The following SIRPA variants were observed in gnomAD, a reference collection of about 807,000 sequenced individuals.
SIRPA encodes tyrosine-protein phosphatase non-receptor type substrate 1.
Under a neutral mutation model 50.3 loss-of-function variants are expected in SIRPA, and 9 were observed. The observed-to-expected ratio is 0.18, with a 90% CI of 0.11 to 0.31. The LOEUF (loss-of-function observed/expected upper bound fraction) is 0.31, where lower values mean the gene tolerates loss of function less well. Ranked by LOEUF, SIRPA falls within the 10% of genes least tolerant of loss-of-function variation. The pLI, the probability that SIRPA is intolerant of heterozygous loss-of-function variation, is 1.00. For synonymous variants in SIRPA, 265 were observed against 284.1 expected (o/e 0.93, Z 0.68); for missense variants, 474 against 661.6 (o/e 0.72, Z 3.11).
chr20:1,900,684 CGCCAAGCCTCCTGTGGTCCAG>C (rs1280808718), intron 1 of SIRPA, among the ~76,000 whole-genome samples: 1 of 152,240 alleles, frequency 6.6e-6, no homozygotes, highest in Non-Finnish European at 1.5e-5. Flanking sequence ...CCGGCTGGAA[CGCCAAGCCTCCTGTGGTCCAG>C]GCCAAGGCTT....
intron 1 of SIRPA, among the ~76,000 whole-genome samples, chr20:1,897,305 C>T (rs1983890795): frequency 6.6e-6 from 1 of 152,232 alleles, no homozygotes; most frequent in Non-Finnish European, 1.5e-5. Context: ...CCAAGATTAG[C>T]TTTGAAATAA....
chr20:1,912,094 G>A (rs997752382), intron 1 of SIRPA, among the ~76,000 whole-genome samples: 2 of 152,164 alleles, frequency 1.3e-5, no homozygotes, highest in African/African-American at 4.8e-5. Context: ...TCTGGCTGCA[G>A]TCGGTGGAGA....
At chr20:1,916,972 G>A (rs1316643118) in intron 2 of SIRPA, among the ~76,000 whole-genome samples, 1 of 152,212 alleles carries the variant, frequency 6.6e-6, no homozygotes, top group Non-Finnish European at 1.5e-5. Flanking sequence ...TCCTGATTGT[G>A]CAGATGTTAC....
rs1342824535 is a variant in SIRPA, at chr20:1,933,404, C to CA, written c.1227-1311_1227-1310insA. ...GAAGTACATAACATCAAATGCCACC[C>CA]CCCCCCCGAAATATCTGGTGGGCAG... On this transcript the variant is annotated intron_variant, in intron 6 of 7. Transcript: ENST00000358771. The surrounding 1 kb of genome is among the most constrained non-coding windows in gnomAD (Gnocchi z 4.4). Among the ~76,000 whole-genome samples, 1 of 150,458 alleles carries CA rather than the reference C, an allele frequency of 6.6e-6. No individual in the cohort carries two copies. The highest frequency in any genetic ancestry group is 1.5e-5 in the Non-Finnish European group (1 of 67,440).
At chr20:1,929,191 A>G (rs1193823284) in intron 6 of SIRPA, among the ~76,000 whole-genome samples, 2 of 152,050 alleles carry the variant, frequency 1.3e-5, no homozygotes, top group Non-Finnish European at 2.9e-5. Context: ...CAAAAGATGG[A>G]CACGATCTGA....
At chr20:1,919,013 C>T (rs995089700) in intron 2 of SIRPA, among the ~76,000 whole-genome samples, 14 of 152,152 alleles carry the variant, frequency 9.2e-5, no homozygotes, top group African/African-American at 3.1e-4. Flanking sequence ...GAGTTGGGAC[C>T]GAATGAGTTA....
chr20:1,913,274 G>C (rs929374306), intron 1 of SIRPA, among the ~76,000 whole-genome samples: 4 of 152,228 alleles, frequency 2.6e-5, no homozygotes, highest in African/African-American at 9.6e-5. Context: ...CCTTGCCAGA[G>C]TCAAGACTGG....
In SIRPA at chr20:1,937,765, C is replaced by T; in HGVS notation, c.*197C>T. ...CTTCCTGGGCAGCCACGGCCCCCTC[C>T]CCCCACATTGCCACATACCTGGAGG... is the stretch of plus-strand genomic sequence containing the variant. On this transcript the variant is annotated 3_prime_UTR_variant, in exon 8 of 8. Coordinates refer to ENST00000358771, the MANE Select transcript of SIRPA (RefSeq NM_001040023.2). The surrounding 1 kb of genome is among the most constrained non-coding windows in gnomAD (Gnocchi z 8.3). 2 of 674,832 alleles carry T rather than the reference C, an allele frequency of 3.0e-6. No homozygotes were observed. Among genetic ancestry groups the T allele is most frequent in the East Asian group, 2.8e-5 (1 of 36,338 alleles). The allele number at this position is 674,832 out of a possible 1,614,324, so 41.8% of individuals were successfully genotyped here.
Position 1,937,288 on chromosome 20 carries a change from C to T in SIRPA, c.1267-32C>T. On this transcript the variant is annotated intron_variant, in intron 7 of 7. Coordinates refer to ENST00000358771, the MANE Select transcript of SIRPA (RefSeq NM_001040023.2). The surrounding 1 kb of genome is among the most constrained non-coding windows in gnomAD (Gnocchi z 8.3). Reference sequence around the variant, plus strand: ...GCCAGGGGCTATAGAATGACCTTCTCATGACTTTCTCTTTGGGTATCTTAA... The same window carrying T: ...GCCAGGGGCTATAGAATGACCTTCTTATGACTTTCTCTTTGGGTATCTTAA... The T allele has an allele frequency of 1.2e-6, 2 of 1,600,384 alleles. No individual in the cohort carries two copies. Among genetic ancestry groups the T allele is most frequent in the Non-Finnish European group, 1.7e-6 (2 of 1,170,842 alleles).
At chr20:1,900,912 C>T (rs775108697) in intron 1 of SIRPA, among the ~76,000 whole-genome samples, 1 of 152,174 alleles carries the variant, frequency 6.6e-6, no homozygotes, top group East Asian at 1.9e-4. Flanking sequence ...TCTTCGGACC[C>T]GTTGGATCTG....
chr20:1,935,594 A>G (rs1986533131), intron 7 of SIRPA, among the ~76,000 whole-genome samples: 1 of 152,268 alleles, frequency 6.6e-6, no homozygotes, highest in African/African-American at 2.4e-5. Context: ...AATTAAGAAA[A>G]AACAATTTCC....
chr20:1,897,039 A>G (rs1489645434), intron 1 of SIRPA, among the ~76,000 whole-genome samples: 4 of 152,296 alleles, frequency 2.6e-5, no homozygotes, highest in Admixed American at 2.0e-4. Flanking sequence ...CTAAATGTCT[A>G]TTCCAGACCC....
Position 1,939,783 on chromosome 20 carries a change from G to A in SIRPA, c.*2215G>A, listed in dbSNP as rs1233980651. 1 of 152,606 alleles carries A rather than the reference G, an allele frequency of 6.6e-6. No individual in the cohort carries two copies. Among genetic ancestry groups the A allele is most frequent in the Non-Finnish European group, 1.5e-5 (1 of 68,032 alleles). The allele number at this position is 152,606 out of a possible 1,614,324, so 9.5% of individuals were successfully genotyped here. ...CTGCGGAAGGAGCATGGTTTCAGGA[G>A]TTTATTTTAAGACTGCTGGGAAGGA... On this transcript the variant is annotated 3_prime_UTR_variant, in exon 8 of 8. Coordinates refer to ENST00000358771, the MANE Select transcript of SIRPA (RefSeq NM_001040023.2). This position sits in a 1 kb window ranked among gnomAD's most constrained non-coding sequence, Gnocchi z 4.7.
chr20:1,921,341 G>T (rs34148012), intron 2 of SIRPA, 54 bp from the exon 3 acceptor site: 1 of 1,609,130 alleles, frequency 6.2e-7, no homozygotes, highest in Non-Finnish European at 8.5e-7. Flanking sequence ...CACACTTATC[G>T]TTAGTGATTG....
At chr20:1,913,994 G>A (rs1985066073) in intron 1 of SIRPA, among the ~76,000 whole-genome samples, 1 of 152,168 alleles carries the variant, frequency 6.6e-6, no homozygotes, top group South Asian at 2.1e-4. Flanking sequence ...GCCCATTTGG[G>A]AGCCCTTGAG....
rs150043118 is a variant in SIRPA at position 1,900,167 on chromosome 20, C to G, written c.79+4641C>G. Among the ~76,000 whole-genome samples, 1,353 of 140,952 alleles carry G rather than the reference C, an allele frequency of 9.6e-3. 26 individuals are homozygous for G. Among genetic ancestry groups the G allele is most frequent in the African/African-American group, 0.035 (1,284 of 37,048 alleles). 92.5% of individuals were successfully genotyped at this position (140,952 alleles called of 152,430 possible). On this transcript the variant is annotated intron_variant, in intron 1 of 7. Transcript: ENST00000358771. The stretch of plus-strand genomic sequence containing the variant: ...CCAGGCTGGAGTGCAATGGCGTGAT[C>G]TCGGCTCAACGCAACCTCCGCCTCC...
rs1986669980 is a variant in SIRPA at position 1,937,664 on chromosome 20, G to A, written c.*96G>A. On this transcript the variant is annotated 3_prime_UTR_variant, in exon 8 of 8. Transcript: ENST00000358771. The surrounding 1 kb of genome is among the most constrained non-coding windows in gnomAD (Gnocchi z 8.3). ...GCACAGCCAACCCAGTTCCCGGAGG[G>A]CTGGGGCGGTGCAGGCTCTGGGACC... 3 of 1,507,498 alleles carry A rather than the reference G, an allele frequency of 2.0e-6. No homozygotes were observed. Among genetic ancestry groups the A allele is most frequent in the South Asian group, 2.5e-5 (2 of 80,100 alleles). 93.4% of individuals were successfully genotyped at this position (1,507,498 alleles called of 1,614,324 possible).
intron 1 of SIRPA, among the ~76,000 whole-genome samples, chr20:1,901,407 G>T (rs956763590): frequency 6.6e-6 from 1 of 151,964 alleles, no homozygotes; most frequent in Non-Finnish European, 1.5e-5. Context: ...CTGACCTCAG[G>T]TGATCCTCCC....
chr20:1,906,138 A>G (rs1316586291), intron 1 of SIRPA, among the ~76,000 whole-genome samples: 1 of 152,076 alleles, frequency 6.6e-6, no homozygotes, highest in Admixed American at 6.6e-5. Flanking sequence ...TAGTATTGTT[A>G]TCATCATCAT....
Sources: gnomAD v4.1 joint callset for allele counts (sites outside exome capture counted in the v4.1 genomes callset) on GRCh38, gnomAD v4.1.1 for gene constraint, Gnocchi (gnomAD v3.1) non-coding constraint, MANE v1.5 for transcripts, NCBI Gene and HGNC (gene_info 2026-07-23, HGNC 2026-07-21) for gene names.